Variants in RGS6 observed in about 807,000 individuals in gnomAD.
RGS6 encodes the protein regulator of G-protein signaling 6.
In RGS6, 30 loss-of-function variants were observed where a neutral mutation model predicts 78.5. The ratio of observed to expected loss-of-function variants is 0.38; its 90% CI spans 0.29 to 0.52. RGS6 has a LOEUF of 0.52. Among genes scored for constraint, RGS6 ranks in the 20% least tolerant of loss-of-function variants. The pLI is 0.85. For synonymous variants in RGS6, 206 were observed against 206.0 expected, an observed-to-expected ratio of 1.00 and a Z score of 0.00; for missense variants, 495 against 609.7, an observed-to-expected ratio of 0.81 and a Z score of 1.98.
At chr14:72,110,609 T>C (rs2095737481) in intron 2 of RGS6, among the ~76,000 whole-genome samples, 1 of 152,230 alleles carries the variant, frequency 6.6e-6, no homozygotes, top group African/African-American at 2.4e-5. Flanking sequence ...AGAGTGTAAA[T>C]CCAGTTTCTC....
intron 2 of RGS6, among the ~76,000 whole-genome samples, chr14:72,182,625 C>T (rs977289821): frequency 5.9e-5 from 9 of 152,038 alleles, no homozygotes; most frequent in African/African-American, 2.2e-4. Context: ...TCTGTCCATA[C>T]CGAAAGTCAA....
In RGS6 at chr14:72,132,478, C is replaced by T. The variant is rs573773635; in HGVS notation, c.84+167603C>T. On this transcript the variant is annotated intron_variant, in intron 2 of 17. Transcript: ENST00000553525. ...ATTTTTAGTAGAGACAGGGTTTCAC[C>T]ATGTTGGCCAGGCCAGTCTCAAACT... 4.6e-5 allele frequency among the ~76,000 whole-genome samples: 7 copies of T among 152,124 alleles called. No homozygotes were observed. The South Asian group carries it at 1.5e-3, about 32-fold the overall frequency.
chr14:72,427,373 G>A (rs1327571028), intron 3 of RGS6, among the ~76,000 whole-genome samples: 1 of 152,180 alleles, frequency 6.6e-6, no homozygotes, highest in Non-Finnish European at 1.5e-5. Flanking sequence ...ACTATCCGCT[G>A]TTGTAGGTAT....
intron 2 of RGS6, among the ~76,000 whole-genome samples, chr14:72,226,690 T>G (rs980273677): frequency 6.6e-6 from 1 of 152,198 alleles, no homozygotes; most frequent in Non-Finnish European, 1.5e-5. Context: ...GTGATTCTTA[T>G]ACACTTTATT....
intron 3 of RGS6, among the ~76,000 whole-genome samples, chr14:72,379,519 G>A (rs2085520936): frequency 6.6e-6 from 1 of 151,888 alleles, no homozygotes; most frequent in African/African-American, 2.4e-5. Context: ...GATCAGTAGT[G>A]TTTCTGTACT....
At chr14:72,136,296 C>G (rs1217027201) in intron 2 of RGS6, among the ~76,000 whole-genome samples, 1 of 151,994 alleles carries the variant, frequency 6.6e-6, no homozygotes, top group Non-Finnish European at 1.5e-5. Context: ...GACATCTTAT[C>G]TTTAGCATAG....
At chr14:72,413,829 G>T (rs985648506) in intron 3 of RGS6, among the ~76,000 whole-genome samples, 1 of 152,146 alleles carries the variant, frequency 6.6e-6, no homozygotes, top group Non-Finnish European at 1.5e-5. Context: ...CACTTATGAA[G>T]CTTAGTTTGG....
intron 2 of RGS6, among the ~76,000 whole-genome samples, chr14:72,194,728 T>C (rs758616488): frequency 5.3e-5 from 8 of 152,094 alleles, no homozygotes; most frequent in Non-Finnish European, 1.0e-4. Flanking sequence ...TTATAATACA[T>C]GTTCAGAAGA....
chr14:72,477,442 C>T (rs569503325), intron 11 of RGS6, among the ~76,000 whole-genome samples: 2 of 151,942 alleles, frequency 1.3e-5, no homozygotes, highest in South Asian at 2.1e-4. Context: ...GAGGTGCTTG[C>T]CCTTGACAAG....
the RGS6 span, among the ~76,000 whole-genome samples, chr14:72,600,492 T>C: frequency 6.6e-6 from 1 of 151,558 alleles, no homozygotes; most frequent in Admixed American, 6.6e-5. Context: ...TTCTGGAAAA[T>C]GAAGGGTTGC....
Position 72,233,855 on chromosome 14 carries a change from C to T in RGS6, c.85-118240C>T, listed in dbSNP as rs889715681. Among the ~76,000 whole-genome samples the T allele has an allele frequency of 6.6e-5, 10 of 152,214 alleles. No homozygotes were observed. In the South Asian group the frequency reaches 1.9e-3, roughly 28 times the overall value. On this transcript the variant is annotated intron_variant, in intron 2 of 17. Coordinates refer to ENST00000553525, the MANE Select transcript of RGS6 (RefSeq NM_001204424.2). ...GGACATCCTGGCAGATGGGCTGTTT[C>T]GAGAGCAAGCCATGGCTTCAAGACC...
intron 2 of RGS6, among the ~76,000 whole-genome samples, chr14:72,205,422 C>CT (rs1178386053): frequency 6.6e-6 from 1 of 152,194 alleles, no homozygotes; most frequent in Admixed American, 6.5e-5. Context: ...GCTTTTAAAA[C>CT]TATTATTTAA....
intron 2 of RGS6, among the ~76,000 whole-genome samples, chr14:72,077,394 TTTG>T (rs759496729): frequency 8.0e-4 from 122 of 152,230 alleles, no homozygotes; most frequent in Non-Finnish European, 1.2e-3. Flanking sequence ...TCTTTTAACC[TTTG>T]TTTAGTTTTT....
At chr14:72,297,483 T>G (rs981635923) in intron 2 of RGS6, among the ~76,000 whole-genome samples, 1 of 151,220 alleles carries the variant, frequency 6.6e-6, no homozygotes, top group Admixed American at 6.6e-5. Context: ...TGCAGGTTAG[T>G]TACATATGTA....
chr14:72,302,892 G>A (rs1202931849), intron 2 of RGS6, among the ~76,000 whole-genome samples: 1 of 152,158 alleles, frequency 6.6e-6, no homozygotes, highest in African/African-American at 2.4e-5. Flanking sequence ...TTCCCATGCT[G>A]TTCTCGTGAT....
intron 2 of RGS6, among the ~76,000 whole-genome samples, chr14:72,073,059 C>A (rs1040358294): frequency 1.3e-5 from 2 of 152,190 alleles, no homozygotes; most frequent in African/African-American, 2.4e-5. Flanking sequence ...GTGCCACATT[C>A]AGATTGGTGG....
At chr14:72,543,317 A>G (rs982140147) in intron 17 of RGS6, among the ~76,000 whole-genome samples, 4 of 152,104 alleles carry the variant, frequency 2.6e-5, no homozygotes, top group African/African-American at 9.7e-5. Context: ...GCAGTGAATA[A>G]CCCACGCCAC....
At position 72,549,456 on chromosome 14, in the gene RGS6, T is replaced by TC. The variant is rs376550326; in HGVS notation, c.1422+9363dup. Among the ~76,000 whole-genome samples, 100 of 152,266 alleles carry TC rather than the reference T, an allele frequency of 6.6e-4. 1 individual carries two copies. The highest frequency in any genetic ancestry group is 1.2e-3 in the Non-Finnish European group (79 of 68,024). ...CCAAGGTTGAAGAAAACTCATCCTGTCATAGTTCCCATCCGGAAAGGGTGT... is the reference window on the plus strand; with the variant it reads ...CCAAGGTTGAAGAAAACTCATCCTGTCCATAGTTCCCATCCGGAAAGGGTGT... On this transcript the variant is annotated intron_variant, in intron 17 of 17. Transcript: ENST00000553525.
chr14:72,132,755 T>G (rs1195381177), intron 2 of RGS6, among the ~76,000 whole-genome samples: 1 of 152,040 alleles, frequency 6.6e-6, no homozygotes, highest in Admixed American at 6.6e-5. Context: ...GTCAAAAGTT[T>G]GGAAGTCAGA....
Sources: gnomAD v4.1 joint callset for allele counts (sites outside exome capture counted in the v4.1 genomes callset) on GRCh38, gnomAD v4.1.1 for gene constraint, MANE v1.5 for transcripts, NCBI Gene and HGNC (gene_info 2026-07-23, HGNC 2026-07-21) for gene names.